The following LIPA variants were observed in gnomAD, a reference collection of about 807,000 sequenced individuals.
The protein encoded by LIPA is lysosomal acid lipase/cholesteryl ester hydrolase.
Under a neutral mutation model 40.6 loss-of-function variants are expected in LIPA, and 26 were observed. The observed-to-expected ratio is 0.64, with a 90% confidence interval of 0.47 to 0.89. LIPA has a LOEUF of 0.89. Ranked by LOEUF, LIPA falls within the 40% of genes least tolerant of loss-of-function variation. The pLI is 0.00. For synonymous variants in LIPA, 188 were observed against 168.4 expected (o/e 1.12, Z -0.90); for missense variants, 455 against 479.6 (o/e 0.95, Z 0.48).
In LIPA at chr10:89,370,229, G is replaced by T. The variant is rs540973983; in HGVS notation, c.61+42562C>A. ...AATGTTTTCTTTTTTTGTTTGTTTT[G>T]TTTTTTTTTTTCTGAGACAGGATCT... On this transcript the variant is annotated intron_variant, in intron 2 of 8. Coordinates refer to the LIPA transcript ENST00000371837. Among the ~76,000 whole-genome samples the T allele has an allele frequency of 5.7e-3, 835 of 146,536 alleles. 5 individuals are homozygous for T. Among genetic ancestry groups the T allele is most frequent in the African/African-American group, 0.018 (743 of 40,266 alleles).
At chr10:89,254,178 T>G (rs953108145), upstream of LIPA, among the ~76,000 whole-genome samples, 5 of 152,216 alleles carry the variant, frequency 3.3e-5, no homozygotes, top group African/African-American at 1.2e-4. Context: ...CAATCCCACA[T>G]TTCCCTTCTG....
At chr10:89,276,800 T>C (rs1404123840) in intron 1 of LIPA, among the ~76,000 whole-genome samples, 1 of 152,208 alleles carries the variant, frequency 6.6e-6, no homozygotes, top group African/African-American at 2.4e-5. Flanking sequence ...AGATTTTTAA[T>C]TGAAAATTAG....
chr10:89,318,524 A>G (rs1346796877), intron 1 of LIPA, among the ~76,000 whole-genome samples: 3 of 152,252 alleles, frequency 2.0e-5, no homozygotes, highest in African/African-American at 4.8e-5. Context: ...TATCCTAAAT[A>G]TATATGCACC....
At chr10:89,384,201 G>A (rs1209344051) in intron 2 of LIPA, 2 of 1,614,108 alleles carry the variant, frequency 1.2e-6, no homozygotes, top group Admixed American at 3.3e-5. Flanking sequence ...TTTGCTACAG[G>A]GCACAAATGA....
intron 1 of LIPA, among the ~76,000 whole-genome samples, chr10:89,285,791 C>A (rs1300670498): frequency 6.6e-6 from 1 of 151,882 alleles, no homozygotes. Context: ...TTTCTCTCCA[C>A]TTCCCTGGGG....
At chr10:89,319,302 G>A (rs1427904833) in intron 1 of LIPA, among the ~76,000 whole-genome samples, 3 of 152,060 alleles carry the variant, frequency 2.0e-5, no homozygotes, top group African/African-American at 7.2e-5. Context: ...CAACATTATT[G>A]ATAGACCACT....
intron 1 of LIPA, among the ~76,000 whole-genome samples, chr10:89,272,351 T>A (rs898476221): frequency 2.0e-5 from 3 of 152,220 alleles, no homozygotes; most frequent in African/African-American, 7.2e-5. Context: ...ATGCGGTATT[T>A]GGTTTTCTGT....
At chr10:89,266,307 A>G (rs377125937) in intron 1 of LIPA, among the ~76,000 whole-genome samples, 1 of 143,666 alleles carries the variant, frequency 7.0e-6, no homozygotes, top group East Asian at 2.1e-4. Context: ...GAATTAATGT[A>G]AGAAAATGAC....
intron 2 of LIPA, chr10:89,393,258 G>A (rs1473540787): frequency 1.1e-5 from 14 of 1,289,674 alleles, no homozygotes; most frequent in Non-Finnish European, 1.3e-5. Context: ...TTTCTGCACT[G>A]CTGGCCTCTT....
intron 1 of LIPA, among the ~76,000 whole-genome samples, chr10:89,265,281 A>G (rs561888273): frequency 1.3e-5 from 2 of 152,212 alleles, no homozygotes; most frequent in South Asian, 4.1e-4. Context: ...CTGCAGCTAC[A>G]GCTGGGCAGC....
chr10:89,233,418 C>A (rs1231891032), intron 3 of LIPA, among the ~76,000 whole-genome samples: 3 of 152,212 alleles, frequency 2.0e-5, no homozygotes, highest in Non-Finnish European at 1.5e-5. Context: ...TCAGCTGTGT[C>A]CTCCACATTC....
chr10:89,393,184 G>A lies in LIPA; in HGVS notation c.61+19607C>T, dbSNP rs553037869. 9.3e-6 allele frequency: 12 copies of A among 1,290,250 alleles called. No homozygotes were observed. The African/African-American group carries it at 1.8e-4, about 20-fold the overall frequency. 79.9% of individuals were successfully genotyped at this position (1,290,250 alleles called of 1,614,324 possible). A position where few individuals can be genotyped will look rare whatever the true frequency, so the allele number is the denominator to read the frequency against. Reference sequence around the variant, plus strand: ...CTTGCAGCCTCTCTGATGTCTTGTGGGTAATACAGTGGAGATGTGGTAGGA... The same window carrying A: ...CTTGCAGCCTCTCTGATGTCTTGTGAGTAATACAGTGGAGATGTGGTAGGA... On this transcript the variant is annotated intron_variant, in intron 2 of 8. Transcript: ENST00000371837.
intron 1 of LIPA, among the ~76,000 whole-genome samples, chr10:89,331,152 C>CTTG (rs369603409): frequency 1.3e-5 from 2 of 152,100 alleles, no homozygotes; most frequent in Admixed American, 6.5e-5. Flanking sequence ...GACAACTTCT[C>CTTG]TTGTTGTTGT....
chr10:89,339,318 T>A (rs1268825008), intron 1 of LIPA: 1 of 1,613,684 alleles, frequency 6.2e-7, no homozygotes, highest in Non-Finnish European at 8.5e-7. Flanking sequence ...AGAAGATGAA[T>A]AAAGAAGCTG....
chr10:89,401,693 T>C (rs888132251), intron 2 of LIPA, among the ~76,000 whole-genome samples: 1 of 151,922 alleles, frequency 6.6e-6, no homozygotes, highest in African/African-American at 2.4e-5. Context: ...GTGTAAGATA[T>C]AATCATTGGA....
intron 2 of LIPA, among the ~76,000 whole-genome samples, chr10:89,388,150 G>A (rs1266117669): frequency 1.3e-5 from 2 of 151,948 alleles, no homozygotes; most frequent in Non-Finnish European, 2.9e-5. Context: ...CTGTCACCCA[G>A]GCTGGAGTGC....
At chr10:89,319,339 AG>A (rs1288574115) in intron 1 of LIPA, among the ~76,000 whole-genome samples, 4 of 152,206 alleles carry the variant, frequency 2.6e-5, no homozygotes, top group Non-Finnish European at 4.4e-5. Context: ...AAGAAAAGAG[AG>A]AAGAATCAAA....
intron 2 of LIPA, among the ~76,000 whole-genome samples, chr10:89,391,893 G>A (rs1452510990): frequency 1.3e-5 from 2 of 152,140 alleles, no homozygotes; most frequent in African/African-American, 4.8e-5. Context: ...TTATTTGCAT[G>A]CTTCTATGTG....
chr10:89,316,073 G>A (rs978622758), intron 1 of LIPA, among the ~76,000 whole-genome samples: 1 of 152,130 alleles, frequency 6.6e-6, no homozygotes, highest in African/African-American at 2.4e-5. Flanking sequence ...ATCTCCTAGA[G>A]ACATTATTAA....
Sources: gnomAD v4.1 joint callset for allele counts (sites outside exome capture counted in the v4.1 genomes callset) on GRCh38, gnomAD v4.1.1 for gene constraint, MANE v1.5 for transcripts, NCBI Gene and HGNC (gene_info 2026-07-23, HGNC 2026-07-21) for gene names.